LINGO2: variants seen among roughly 807,000 people sequenced by gnomAD.
The protein encoded by LINGO2 is leucine-rich repeat and immunoglobulin-like domain-containing nogo receptor-interacting protein 2.
LINGO2 carries 14 observed loss-of-function variants against 30.6 expected under a neutral mutation model. The observed-to-expected ratio is 0.46, with a 90% CI of 0.30 to 0.72. The LOEUF (loss-of-function observed/expected upper bound fraction) is 0.72. Among genes scored for constraint, LINGO2 ranks in the 30% least tolerant of loss-of-function variants. The pLI, the probability that LINGO2 is intolerant of heterozygous loss-of-function variation, is 0.07. For synonymous variants in LINGO2, 317 were observed against 288.5 expected (o/e 1.10, Z -1.00); for missense variants, 729 against 751.7 (o/e 0.97, Z 0.35).
intron 1 of LINGO2, among the ~76,000 whole-genome samples, chr9:28,496,204 C>T (rs1306460947): frequency 1.3e-5 from 2 of 152,062 alleles, no homozygotes; most frequent in Non-Finnish European, 2.9e-5. Context: ...AGTTCAATTC[C>T]TGGATATCCT....
intron 5 of LINGO2, among the ~76,000 whole-genome samples, chr9:28,003,356 TAGATAGATAG>T (rs1822068594): frequency 7.6e-6 from 1 of 131,990 alleles, no homozygotes; most frequent in African/African-American, 3.1e-5. Context: ...GATAGATAGA[TAGATAGATAG>T]ATAGATAGAT....
chr9:28,293,020 C>A (rs1823790968), intron 4 of LINGO2, among the ~76,000 whole-genome samples: 1 of 152,142 alleles, frequency 6.6e-6, no homozygotes, highest in African/African-American at 2.4e-5. Context: ...GATCCGCCTG[C>A]CTTGGCCTCC....
the LINGO2 span, among the ~76,000 whole-genome samples, chr9:28,808,618 G>A: frequency 2.2e-4 from 34 of 152,108 alleles, no homozygotes; most frequent in Non-Finnish European, 3.5e-4. Flanking sequence ...CATTCCATGT[G>A]GCAGACTCTC....
At chr9:28,491,966 C>A (rs1345152742) in intron 1 of LINGO2, among the ~76,000 whole-genome samples, 1 of 152,154 alleles carries the variant, frequency 6.6e-6, no homozygotes, top group African/African-American at 2.4e-5. Context: ...GTATTGTTGG[C>A]AACTGAACAA....
intron 1 of LINGO2, among the ~76,000 whole-genome samples, chr9:28,581,516 T>C (rs1242615285): frequency 1.3e-5 from 2 of 151,230 alleles, no homozygotes; most frequent in Admixed American, 6.6e-5. Flanking sequence ...TAAATTGTGA[T>C]ATATATATAG....
the LINGO2 span, among the ~76,000 whole-genome samples, chr9:29,090,583 T>G: frequency 6.6e-6 from 1 of 152,072 alleles, no homozygotes; most frequent in East Asian, 1.9e-4. Context: ...ACATATGTTC[T>G]CATAAGATGG....
rs187026049 is a variant in LINGO2 at position 28,654,385 on chromosome 9, G to T, written c.-365+15815C>A. On this transcript the variant is annotated intron_variant, in intron 1 of 5. Transcript: ENST00000379992. ...ATCACACTTTAAATCTGACATTGAAGAGTTATATTTTTGTCCCTGGTGGGA... is the reference window on the plus strand; with the variant it reads ...ATCACACTTTAAATCTGACATTGAATAGTTATATTTTTGTCCCTGGTGGGA... Among the ~76,000 whole-genome samples the T allele has an allele frequency of 2.4e-3, 367 of 152,138 alleles. 3 individuals carry two copies. Among genetic ancestry groups the T allele is most frequent in the Non-Finnish European group, 3.1e-3 (213 of 67,966 alleles).
At chr9:28,720,524 C>T in the LINGO2 span, among the ~76,000 whole-genome samples, 40 of 151,930 alleles carry the variant, frequency 2.6e-4, no homozygotes, top group East Asian at 7.7e-4. Flanking sequence ...TTCTCCCACA[C>T]GGAATTCATA....
At chr9:28,225,877 A>C (rs1206621196) in intron 4 of LINGO2, among the ~76,000 whole-genome samples, 1 of 152,148 alleles carries the variant, frequency 6.6e-6, no homozygotes, top group Non-Finnish European at 1.5e-5. Flanking sequence ...AGATTGAAAC[A>C]AATGGCCATT....
intron 4 of LINGO2, among the ~76,000 whole-genome samples, chr9:28,055,570 G>A (rs190340601): frequency 4.6e-5 from 7 of 152,198 alleles, no homozygotes; most frequent in African/African-American, 1.7e-4. Flanking sequence ...TTCGTTCGAA[G>A]TGTAAGGCTT....
At chr9:28,672,709 G>T (rs1038950437), upstream of LINGO2, among the ~76,000 whole-genome samples, 1 of 152,028 alleles carries the variant, frequency 6.6e-6, no homozygotes, top group African/African-American at 2.4e-5. Context: ...CTAAATCCAT[G>T]ATCTATTTGT....
In LINGO2 at chr9:28,243,953, A is replaced by T. The variant is rs944425839; in HGVS notation, c.-87+51255T>A. 2.6e-5 allele frequency among the ~76,000 whole-genome samples: 4 copies of T among 152,320 alleles called. No individual in the cohort carries two copies. In the East Asian group the frequency reaches 7.7e-4, roughly 29 times the overall value. Reference sequence around the variant, plus strand: ...ATTAACAAGGATATTCAGGACTTGAACTCTGCTCTGGATCAAATGGACCTA... The same window carrying T: ...ATTAACAAGGATATTCAGGACTTGATCTCTGCTCTGGATCAAATGGACCTA... On this transcript the variant is annotated intron_variant, in intron 4 of 5. Coordinates refer to ENST00000379992, the Ensembl canonical transcript of LINGO2.
chr9:27,950,693 C>G (rs1417730576), exon 6 of LINGO2: 2 of 1,492,920 alleles, frequency 1.3e-6, no homozygotes, highest in Non-Finnish European at 1.8e-6. Flanking sequence ...TTAGTCTACA[C>G]CTTGGTCACG....
At chr9:28,312,292 G>A (rs1298610268) in intron 3 of LINGO2, among the ~76,000 whole-genome samples, 6 of 151,254 alleles carry the variant, frequency 4.0e-5, no homozygotes, top group African/African-American at 1.5e-4. Context: ...TTTGACATAA[G>A]CTCAAATTTT....
intron 4 of LINGO2, among the ~76,000 whole-genome samples, chr9:28,272,740 C>T (rs1822983949): frequency 6.6e-6 from 1 of 152,044 alleles, no homozygotes; most frequent in African/African-American, 2.4e-5. Context: ...ATTGTTCTGA[C>T]AGTCATTGCA....
chr9:28,661,813 AT>A (rs1828594790), intron 1 of LINGO2, among the ~76,000 whole-genome samples: 1 of 152,172 alleles, frequency 6.6e-6, no homozygotes, highest in Non-Finnish European at 1.5e-5. Context: ...AGATGAGCTG[AT>A]TTTCCTTCTT....
the LINGO2 span, among the ~76,000 whole-genome samples, chr9:28,871,283 G>A: frequency 6.6e-6 from 1 of 151,450 alleles, no homozygotes; most frequent in Middle Eastern, 3.5e-3. Context: ...ATAATAATCT[G>A]CTAATTGAAA....
At chr9:28,574,698 A>G (rs1823868928) in intron 1 of LINGO2, among the ~76,000 whole-genome samples, 2 of 152,152 alleles carry the variant, frequency 1.3e-5, no homozygotes, top group African/African-American at 4.8e-5. Context: ...TTAAGATTTT[A>G]GGAAATGGTA....
chr9:28,944,444 C>A, the LINGO2 span, among the ~76,000 whole-genome samples: 1 of 152,136 alleles, frequency 6.6e-6, no homozygotes. Context: ...TCACTCTTGT[C>A]CCCCAGGCTG....
Sources: gnomAD v4.1 joint callset for allele counts (sites outside exome capture counted in the v4.1 genomes callset) on GRCh38, gnomAD v4.1.1 for gene constraint, MANE v1.5 for transcripts, NCBI Gene and HGNC (gene_info 2026-07-23, HGNC 2026-07-21) for gene names.